KLF12: variants seen among roughly 807,000 people sequenced by gnomAD.
KLF12 encodes KLF transcription factor 12.
A neutral mutation model predicts 37.8 loss-of-function variants in KLF12; 9 were observed. The observed-to-expected ratio is 0.24, with a 90% CI of 0.14 to 0.42. The LOEUF is 0.42. Among genes scored for constraint, KLF12 ranks in the 10% least tolerant of loss-of-function variants. The pLI, the probability that KLF12 is intolerant of heterozygous loss-of-function variation, is 1.00. For missense variants in KLF12, 411 were observed against 516.0 expected, an observed-to-expected ratio of 0.80 and a Z score of 1.97; for synonymous variants, 208 against 202.1, an observed-to-expected ratio of 1.03 and a Z score of -0.25.
chr13:74,284,401 C>T, the KLF12 span, among the ~76,000 whole-genome samples: 1 of 152,162 alleles, frequency 6.6e-6, no homozygotes, highest in East Asian at 1.9e-4. Context: ...TGATCCTCAG[C>T]TACTGTGGTA....
chr13:73,710,418 GTT>G (rs1171752024), intron 7 of KLF12, among the ~76,000 whole-genome samples: 1 of 140,860 alleles, frequency 7.1e-6, no homozygotes, highest in East Asian at 2.1e-4. Context: ...GTGTGTGTGT[GTT>G]TACAAATTCA....
chr13:73,838,478 TAAC>T (rs1191622409), intron 4 of KLF12, among the ~76,000 whole-genome samples: 3 of 152,334 alleles, frequency 2.0e-5, no homozygotes, highest in Admixed American at 2.0e-4. Flanking sequence ...ATTAGTTTCT[TAAC>T]AGCAGTATCA....
intron 4 of KLF12, chr13:73,845,139 G>A (rs1884945095): frequency 6.6e-6 from 1 of 152,114 alleles, no homozygotes; most frequent in Non-Finnish European, 1.5e-5. Flanking sequence ...ATGTAGCAAA[G>A]TTATCTTCCT....
chr13:74,078,273 T>C (rs1424876550), intron 1 of KLF12, among the ~76,000 whole-genome samples: 3 of 152,212 alleles, frequency 2.0e-5, no homozygotes, highest in African/African-American at 4.8e-5. Flanking sequence ...GTCTCCTCTT[T>C]CATAAATTGT....
At chr13:74,149,241 G>C in the KLF12 span, among the ~76,000 whole-genome samples, 1 of 152,088 alleles carries the variant, frequency 6.6e-6, no homozygotes, top group East Asian at 1.9e-4. Flanking sequence ...CTTAACTGTA[G>C]ATTTATATAT....
chr13:73,860,285 T>C (rs1386564315), intron 3 of KLF12, among the ~76,000 whole-genome samples: 1 of 152,216 alleles, frequency 6.6e-6, no homozygotes, highest in Non-Finnish European at 1.5e-5. Flanking sequence ...TTCTTTCTCT[T>C]ACGAGGCGGC....
chr13:74,262,017 C>T, the KLF12 span, among the ~76,000 whole-genome samples: 1 of 152,182 alleles, frequency 6.6e-6, no homozygotes, highest in Non-Finnish European at 1.5e-5. Flanking sequence ...GTGTGTGGCT[C>T]ACTGCACTGG....
chr13:73,932,592 C>T (rs564491368), intron 3 of KLF12, among the ~76,000 whole-genome samples: 20 of 152,116 alleles, frequency 1.3e-4, no homozygotes, highest in Non-Finnish European at 2.2e-4. Context: ...TCTGCTCAAT[C>T]TATTGATTTC....
At chr13:73,819,666 T>C (rs1188435945) in intron 4 of KLF12, among the ~76,000 whole-genome samples, 2 of 152,108 alleles carry the variant, frequency 1.3e-5, no homozygotes, top group Non-Finnish European at 2.9e-5. Flanking sequence ...GAAAAATATA[T>C]ACTACGTCAG....
intron 2 of KLF12, among the ~76,000 whole-genome samples, chr13:73,974,731 T>A (rs1365970313): frequency 6.6e-6 from 1 of 152,150 alleles, no homozygotes; most frequent in Non-Finnish European, 1.5e-5. Context: ...AAATATAAAA[T>A]TTCTCAGGGA....
At chr13:73,842,544 T>A (rs1884793068) in intron 4 of KLF12, among the ~76,000 whole-genome samples, 1 of 152,220 alleles carries the variant, frequency 6.6e-6, no homozygotes, top group Non-Finnish European at 1.5e-5. Context: ...ACAGGACATG[T>A]GAGCTTAGAC....
intron 3 of KLF12, among the ~76,000 whole-genome samples, chr13:73,925,242 G>C (rs1317274589): frequency 6.6e-6 from 1 of 152,228 alleles, no homozygotes; most frequent in South Asian, 2.1e-4. Context: ...CATAGCAAGA[G>C]AGGAGTCAAT....
chr13:73,924,087 A>G (rs1243449398), intron 3 of KLF12, among the ~76,000 whole-genome samples: 6 of 152,214 alleles, frequency 3.9e-5, no homozygotes, highest in Admixed American at 6.5e-5. Flanking sequence ...AAAAGAAAGC[A>G]CTCTGAAGCA....
intron 5 of KLF12, chr13:73,800,027 T>C (rs531096993): frequency 1.1e-4 from 17 of 152,256 alleles, no homozygotes; most frequent in African/African-American, 4.1e-4. Flanking sequence ...AGCTATGTAA[T>C]TCCAGAAATC....
chr13:74,047,329 C>T (rs182772646), intron 1 of KLF12, among the ~76,000 whole-genome samples: 2 of 152,094 alleles, frequency 1.3e-5, no homozygotes, highest in Admixed American at 1.3e-4. Context: ...CGGTGGCTCA[C>T]CCCTATAATC....
At chr13:73,763,957 A>G (rs1879735727) in intron 6 of KLF12, among the ~76,000 whole-genome samples, 1 of 152,148 alleles carries the variant, frequency 6.6e-6, no homozygotes. Flanking sequence ...AATTAATTAG[A>G]TTTCGTGGGG....
At chr13:73,869,228 G>A (rs1330356767) in intron 3 of KLF12, among the ~76,000 whole-genome samples, 1 of 152,038 alleles carries the variant, frequency 6.6e-6, no homozygotes, top group East Asian at 1.9e-4. Context: ...GAAGAATAAA[G>A]CTATTATATA....
chr13:74,122,960 TAAAAAA>T (rs58691841), intron 1 of KLF12, among the ~76,000 whole-genome samples: 1 of 113,888 alleles, frequency 8.8e-6, no homozygotes, highest in African/African-American at 3.4e-5. Context: ...AACAGGTCAC[TAAAAAA>T]AAAAAAAAAA....
the KLF12 span, among the ~76,000 whole-genome samples, chr13:74,220,197 C>A: frequency 6.6e-6 from 1 of 152,028 alleles, no homozygotes; most frequent in Non-Finnish European, 1.5e-5. Context: ...CTGTTAAATT[C>A]ATGTTTTAAG....
Sources: gnomAD v4.1 joint callset for allele counts (sites outside exome capture counted in the v4.1 genomes callset) on GRCh38, gnomAD v4.1.1 for gene constraint, MANE v1.5 for transcripts, NCBI Gene and HGNC (gene_info 2026-07-23, HGNC 2026-07-21) for gene names.